Variants in KCNK5 observed in about 807,000 individuals in gnomAD.
KCNK5 encodes the protein potassium channel subfamily K member 5.
KCNK5 carries 18 observed loss-of-function variants against 32.9 expected under a neutral mutation model. That is an observed-to-expected ratio of 0.55 (90% CI 0.38 to 0.81). KCNK5 has a LOEUF of 0.81. KCNK5 is among the 30% of genes least tolerant of loss of function. The probability of loss-of-function intolerance (pLI) is 0.00; values close to 1 mark genes in which losing one functional copy is unlikely to be tolerated. For synonymous variants in KCNK5, 276 were observed against 275.3 expected, an observed-to-expected ratio of 1.00 and a Z score of -0.03; for missense variants, 507 against 651.0, an observed-to-expected ratio of 0.78 and a Z score of 2.41.
chr6:39,219,273 G>T (rs990272472), intron 1 of KCNK5, among the ~76,000 whole-genome samples: 1 of 152,198 alleles, frequency 6.6e-6, no homozygotes, highest in Non-Finnish European at 1.5e-5. Flanking sequence ...AGTTTATTCT[G>T]TAAAGTCCCT....
At position 39,209,030 on chromosome 6, in the gene KCNK5, G is replaced by A. The variant is rs552752236; in HGVS notation, c.187-13043C>T. ...TGCTGGAACCCGGGAGATGGAGGTT[G>A]CAGTGAGCTGAGATCACACCACTGT... is the stretch of plus-strand genomic sequence containing the variant. On this transcript the variant is annotated intron_variant, in intron 1 of 4. Coordinates refer to ENST00000359534, the MANE Select transcript of KCNK5 (RefSeq NM_003740.4). Among the ~76,000 whole-genome samples, 5 of 152,264 alleles carry A rather than the reference G, an allele frequency of 3.3e-5. No individual in the cohort carries two copies. In the South Asian group the frequency reaches 1.0e-3, roughly 32 times the overall value.
intron 1 of KCNK5, among the ~76,000 whole-genome samples, chr6:39,215,706 A>G (rs967265099): frequency 1.6e-4 from 25 of 152,252 alleles, no homozygotes; most frequent in Admixed American, 8.5e-4. Context: ...AGGGAAACCA[A>G]ATGAGTGGAT....
chr6:39,198,603 C>T (rs1414182490), intron 1 of KCNK5, among the ~76,000 whole-genome samples: 4 of 152,194 alleles, frequency 2.6e-5, no homozygotes, highest in East Asian at 1.9e-4. Context: ...ATTAGCTGAC[C>T]ATGGATCAAC....
At chr6:39,220,086 G>T (rs571945606) in intron 1 of KCNK5, among the ~76,000 whole-genome samples, 1 of 152,312 alleles carries the variant, frequency 6.6e-6, no homozygotes, top group East Asian at 1.9e-4. Flanking sequence ...ATGGAAGGGG[G>T]CTCTGCTGTG....
Position 39,229,008 on chromosome 6 carries a change from T to C in KCNK5, c.104A>G (p.Lys35Arg). 1 of 1,614,150 alleles carries C rather than the reference T, an allele frequency of 6.2e-7. No individual in the cohort carries two copies. The highest frequency in any genetic ancestry group is 8.5e-7 in the Non-Finnish European group (1 of 1,180,014). Residue 35 changes from lysine (K) to arginine (R), a missense_variant, in exon 1 of 5, where the codon AAG (lysine) becomes AGG (arginine). Lys to Arg is a conservative substitution (Grantham distance 26, BLOSUM62 2). Coordinates refer to ENST00000359534, the MANE Select transcript of KCNK5 (RefSeq NM_003740.4). ...CAGCTTCTGTGTGTAGTAGTTTTTC[T>C]TGGCCTCCTTCCAGTGTGGCTCCTC... ...VLEEPHWKEA[K>R]KNYYTQKLHL... is the part of the protein sequence containing the mutation.
chr6:39,212,814 CT>C (rs1466028371), intron 1 of KCNK5, among the ~76,000 whole-genome samples: 1 of 152,206 alleles, frequency 6.6e-6, no homozygotes, highest in African/African-American at 2.4e-5. Flanking sequence ...AAAGGCTCAC[CT>C]AGTTTCTCTT....
intron 1 of KCNK5, among the ~76,000 whole-genome samples, chr6:39,220,190 A>T (rs562726411): frequency 5.3e-5 from 8 of 152,196 alleles, no homozygotes; most frequent in Non-Finnish European, 1.0e-4. Flanking sequence ...TACCAGCTGC[A>T]CAGCTTCTCT....
At position 39,191,402 on chromosome 6, in the gene KCNK5, G is replaced by A. The variant is rs1205814072; in HGVS notation, c.988C>T (p.Gln330Ter). The change falls in exon 5 of 5, where the codon CAA (glutamine) becomes TAA (stop). Residue 330 changes from glutamine (Q) to a stop codon, truncating the protein, a stop_gained. Coordinates refer to ENST00000359534, the MANE Select transcript of KCNK5 (RefSeq NM_003740.4). LOFTEE classifies it low-confidence loss of function (END_TRUNC). The surrounding 1 kb of genome is among the most constrained non-coding windows in gnomAD (Gnocchi z 5.8). Reference protein sequence around the residue: ...ETGPGPGLGPQGGGLPALPPS... With the variant: ...ETGPGPGLGP ...GGCAGTGCTGGGAGCCCACCGCCTTGAGGCCCCAGCCCTGGGCCCGGGCCC... is the reference window on the plus strand; with the variant it reads ...GGCAGTGCTGGGAGCCCACCGCCTTAAGGCCCCAGCCCTGGGCCCGGGCCC... The A allele has an allele frequency of 1.2e-6, 2 of 1,613,246 alleles. No individual in the cohort carries two copies. Among genetic ancestry groups the A allele is most frequent in the Non-Finnish European group, 1.7e-6 (2 of 1,179,988 alleles).
In KCNK5 at chr6:39,218,289, T is replaced by G. The variant is rs562871732; in HGVS notation, c.186+10637A>C. Among the ~76,000 whole-genome samples the G allele has an allele frequency of 1.2e-4, 18 of 152,198 alleles. No homozygotes were observed. In the South Asian group the frequency reaches 3.7e-3, roughly 32 times the overall value. ...TTTCACTGTGTTGGCCAGGCTGGTC[T>G]TGAACTCCTGACCTTGTGATCCACC... On this transcript the variant is annotated intron_variant, in intron 1 of 4. Transcript: ENST00000359534.
rs1244735627 is a variant in KCNK5, at chr6:39,229,271, T to C, written c.-160A>G. The C allele has an allele frequency of 2.5e-6, 2 of 815,350 alleles. No homozygotes were observed. The highest frequency in any genetic ancestry group is 3.7e-6 in the Non-Finnish European group (2 of 533,550). 50.5% of individuals were successfully genotyped at this position (815,350 alleles called of 1,614,324 possible). On this transcript the variant is annotated 5_prime_UTR_variant, in exon 1 of 5. Coordinates refer to ENST00000359534, the MANE Select transcript of KCNK5 (RefSeq NM_003740.4). ...GCAAGCACCGCTCCCCGGACAGAGTTGCTTGGCCAAGTTGGCCCACGGAGT... is the reference window on the plus strand; with the variant it reads ...GCAAGCACCGCTCCCCGGACAGAGTCGCTTGGCCAAGTTGGCCCACGGAGT...
chr6:39,215,807 G>A (rs983864833), intron 1 of KCNK5, among the ~76,000 whole-genome samples: 1 of 152,308 alleles, frequency 6.6e-6, no homozygotes, highest in African/African-American at 2.4e-5. Context: ...CCTCCTTGGG[G>A]GTTTTAGTCT....
chr6:39,229,185 C>G lies in KCNK5; in HGVS notation c.-74G>C. The G allele has an allele frequency of 6.7e-7, 1 of 1,481,764 alleles. No homozygotes were observed. The highest frequency in any genetic ancestry group is 9.3e-7 in the Non-Finnish European group (1 of 1,081,010). The allele number at this position is 1,481,764 out of a possible 1,614,324, so 91.8% of individuals were successfully genotyped here. ...GCTACCAGTCCGCCCGCCCTCCAGC[C>G]TCTGAAAACAGCTGTTTGAATTTGG... On this transcript the variant is annotated 5_prime_UTR_variant, in exon 1 of 5. Transcript: ENST00000359534.
intron 1 of KCNK5, among the ~76,000 whole-genome samples, chr6:39,216,489 T>G (rs2113794872): frequency 6.6e-6 from 1 of 152,148 alleles, no homozygotes; most frequent in East Asian, 1.9e-4. Context: ...AGGAGCAGCT[T>G]GTAGCCTAGC....
chr6:39,200,716 G>A (rs1343107450), intron 1 of KCNK5, among the ~76,000 whole-genome samples: 1 of 152,200 alleles, frequency 6.6e-6, no homozygotes, highest in Non-Finnish European at 1.5e-5. Context: ...TGAGGAAACA[G>A]CCATGTGTGC....
At chr6:39,225,337 C>T (rs1368109273) in intron 1 of KCNK5, among the ~76,000 whole-genome samples, 2 of 152,186 alleles carry the variant, frequency 1.3e-5, no homozygotes, top group African/African-American at 2.4e-5. Context: ...ACAAGTTACA[C>T]TGGCTTTTCC....
At position 39,190,835 on chromosome 6, in the gene KCNK5, C is replaced by T; in HGVS notation, c.*55G>A. On this transcript the variant is annotated 3_prime_UTR_variant, in exon 5 of 5. Transcript: ENST00000359534. ...AGGCGTCCCGGTCATCTCGGGACAC[C>T]CTAGGGTGAGGGGGGAAGAGGCCAT... The T allele has an allele frequency of 3.5e-6, 5 of 1,439,168 alleles. No individual in the cohort carries two copies. The highest frequency in any genetic ancestry group is 4.6e-6 in the Non-Finnish European group (5 of 1,093,928). The allele number at this position is 1,439,168 out of a possible 1,614,324, so 89.1% of individuals were successfully genotyped here. A position where few individuals can be genotyped will look rare whatever the true frequency, so the allele number is the denominator to read the frequency against.
chr6:39,195,776 G>T, intron 2 of KCNK5, 100 bp downstream of exon 2: 1 of 731,852 alleles, frequency 1.4e-6, no homozygotes, highest in Non-Finnish European at 2.3e-6. Flanking sequence ...TGATCTGATT[G>T]TACCCCCAAC....
intron 1 of KCNK5, among the ~76,000 whole-genome samples, chr6:39,201,430 T>C (rs1385107081): frequency 1.3e-5 from 2 of 152,070 alleles, no homozygotes; most frequent in African/African-American, 4.8e-5. Context: ...TTTGTATTTT[T>C]AGTAGAGACG....
rs144989999 is a variant in KCNK5, at chr6:39,211,519, G to A, written c.187-15532C>T. 3.0e-3 allele frequency among the ~76,000 whole-genome samples: 452 copies of A among 152,282 alleles called. 3 individuals are homozygous for A. The highest frequency in any genetic ancestry group is 0.01 in the African/African-American group (428 of 41,558). Reference sequence around the variant, plus strand: ...GGCCAGATGTGGCATTAGAAACCTCGGGTTCTGGCCCAATACTCTAGTACT... The same window carrying A: ...GGCCAGATGTGGCATTAGAAACCTCAGGTTCTGGCCCAATACTCTAGTACT... On this transcript the variant is annotated intron_variant, in intron 1 of 4. Transcript: ENST00000359534.
Sources: allele counts gnomAD v4.1 joint callset (sites outside exome capture counted in the v4.1 genomes callset), GRCh38; gene constraint gnomAD v4.1.1; non-coding constraint Gnocchi (gnomAD v3.1); transcripts MANE v1.5; gene names NCBI Gene and HGNC (gene_info 2026-07-23, HGNC 2026-07-21).